The following CRACD variants were observed in gnomAD, a reference collection of about 807,000 sequenced individuals.
CRACD encodes capping protein inhibiting regulator of actin dynamics, also known as capping protein-inhibiting regulator of actin dynamics.
Under a neutral mutation model 106.8 loss-of-function variants are expected in CRACD, and 56 were observed. That is an observed-to-expected ratio of 0.52 (90% CI 0.42 to 0.66). The LOEUF (loss-of-function observed/expected upper bound fraction) is 0.66. Among genes scored for constraint, CRACD ranks in the 30% least tolerant of loss-of-function variants. CRACD has a pLI of 0.00. For missense variants in CRACD, 1,730 were observed against 1,623.2 expected, an observed-to-expected ratio of 1.07 and a Z score of -1.13; for synonymous variants, 754 against 670.8, an observed-to-expected ratio of 1.12 and a Z score of -1.92.
At chr4:56,277,860 T>G (rs1014447087) in intron 3 of CRACD, among the ~76,000 whole-genome samples, 1 of 152,172 alleles carries the variant, frequency 6.6e-6, no homozygotes, top group African/African-American at 2.4e-5. Flanking sequence ...TTCTGTACTC[T>G]AGCAATTTAT....
intron 2 of CRACD, among the ~76,000 whole-genome samples, chr4:56,191,528 C>T (rs1174277517): frequency 3.9e-5 from 6 of 152,162 alleles, no homozygotes; most frequent in Non-Finnish European, 7.4e-5. Context: ...ATACTGGGCC[C>T]ATCCAGATAA....
chr4:56,114,024 A>T (rs1278582538), intron 1 of CRACD, among the ~76,000 whole-genome samples: 3 of 151,956 alleles, frequency 2.0e-5, no homozygotes, highest in Admixed American at 2.0e-4. Flanking sequence ...ATTAATTTGG[A>T]GTATGTTCAT....
intron 2 of CRACD, among the ~76,000 whole-genome samples, chr4:56,230,501 A>G (rs1739557334): frequency 6.6e-6 from 1 of 152,206 alleles, no homozygotes; most frequent in Non-Finnish European, 1.5e-5. Context: ...GTTAGAAAAG[A>G]TGAAATTGAG....
chr4:56,274,614 T>C (rs893058519), intron 3 of CRACD, among the ~76,000 whole-genome samples: 3 of 152,262 alleles, frequency 2.0e-5, no homozygotes, highest in African/African-American at 7.2e-5. Flanking sequence ...TAATGTCACC[T>C]GTCCTCGTTA....
intron 1 of CRACD, among the ~76,000 whole-genome samples, chr4:56,076,727 G>C (rs1264824367): frequency 1.3e-5 from 2 of 152,130 alleles, no homozygotes; most frequent in Non-Finnish European, 2.9e-5. Context: ...CCTCCAGTGT[G>C]CTTTCTTAGT....
chr4:56,113,929 TA>T (rs1274624172), intron 1 of CRACD, among the ~76,000 whole-genome samples: 1 of 152,128 alleles, frequency 6.6e-6, no homozygotes, highest in African/African-American at 2.4e-5. Flanking sequence ...CCTCCACAGT[TA>T]ATCTCAGAAA....
intron 1 of CRACD, among the ~76,000 whole-genome samples, chr4:56,123,036 A>C (rs1311024928): frequency 1.3e-5 from 2 of 152,270 alleles, no homozygotes; most frequent in Non-Finnish European, 2.9e-5. Context: ...CTGGAATGGC[A>C]TTAAAATGTT....
chr4:56,328,635 G>A lies in CRACD; in HGVS notation c.*831G>A, dbSNP rs114442999. The A allele has an allele frequency of 9.4e-3, 2,637 of 281,240 alleles. 18 individuals carry two copies. The highest frequency in any genetic ancestry group is 0.013 in the Non-Finnish European group (1,919 of 143,100). 17.4% of individuals were successfully genotyped at this position (281,240 alleles called of 1,614,324 possible). ...CTTATGATGTGTAGGCTCCCTCCTAGGGCCTACTCAATCAGAGCCTGTGGG... is the reference window on the plus strand; with the variant it reads ...CTTATGATGTGTAGGCTCCCTCCTAAGGCCTACTCAATCAGAGCCTGTGGG... On this transcript the variant is annotated 3_prime_UTR_variant, in exon 11 of 11. Transcript: ENST00000682029.
At chr4:56,111,878 T>C (rs905322246) in intron 1 of CRACD, among the ~76,000 whole-genome samples, 3 of 152,180 alleles carry the variant, frequency 2.0e-5, no homozygotes, top group African/African-American at 7.2e-5. Flanking sequence ...TCTTACATGG[T>C]AACCCTAAGA....
At chr4:56,071,139 A>G (rs1472883230) in intron 1 of CRACD, among the ~76,000 whole-genome samples, 1 of 152,148 alleles carries the variant, frequency 6.6e-6, no homozygotes, top group Admixed American at 6.5e-5. Context: ...TGTACTGACA[A>G]CTTCTGAGAA....
chr4:56,233,229 T>C (rs1739750219), intron 2 of CRACD, among the ~76,000 whole-genome samples: 1 of 152,194 alleles, frequency 6.6e-6, no homozygotes, highest in Non-Finnish European at 1.5e-5. Context: ...CTATAACTTA[T>C]AATTTCAGTC....
At chr4:56,155,289 A>C (rs551598165) in intron 1 of CRACD, among the ~76,000 whole-genome samples, 32 of 152,280 alleles carry the variant, frequency 2.1e-4, no homozygotes, top group African/African-American at 7.0e-4. Context: ...CTGCTTTGAC[A>C]TTGCGTATTT....
intron 1 of CRACD, among the ~76,000 whole-genome samples, chr4:56,077,265 G>A (rs114379752): frequency 0.016 from 2,459 of 152,272 alleles, 78 homozygotes; most frequent in African/African-American, 0.056. Flanking sequence ...CAGGGGAAGT[G>A]CCAGATGCTT....
In CRACD at chr4:56,172,619, C is replaced by T. The variant is rs376465669; in HGVS notation, c.-335-6665C>T. ...CTGGGATTACAGGCATGTGCCACCA[C>T]GCCCAGCTAATTTTTTTTTTTTTGA... On this transcript the variant is annotated intron_variant, in intron 1 of 10. Coordinates refer to ENST00000682029, the MANE Select transcript of CRACD (RefSeq NM_001393381.1). Among the ~76,000 whole-genome samples, 434 of 151,710 alleles carry T rather than the reference C, an allele frequency of 2.9e-3. 2 individuals carry two copies. The highest frequency in any genetic ancestry group is 9.4e-3 in the African/African-American group (389 of 41,364).
chr4:56,212,645 G>A (rs1302431902), intron 2 of CRACD, among the ~76,000 whole-genome samples: 1 of 152,022 alleles, frequency 6.6e-6, no homozygotes, highest in Admixed American at 6.6e-5. Flanking sequence ...TTGAATCTTG[G>A]CTTGGGCTCT....
intron 2 of CRACD, among the ~76,000 whole-genome samples, chr4:56,232,836 T>A (rs184225748): frequency 8.5e-5 from 13 of 152,108 alleles, no homozygotes; most frequent in Admixed American, 6.5e-4. Flanking sequence ...GAGATTCTCC[T>A]GCCTCAGCCT....
chr4:56,230,788 A>G (rs189236618), intron 2 of CRACD, among the ~76,000 whole-genome samples: 64 of 152,242 alleles, frequency 4.2e-4, no homozygotes, highest in African/African-American at 1.5e-3. Flanking sequence ...AATGGGTTCC[A>G]GCATTTCTTT....
chr4:56,328,501 G>T lies in CRACD; in HGVS notation c.*697G>T, dbSNP rs554100801. On this transcript the variant is annotated 3_prime_UTR_variant, in exon 11 of 11. Transcript: ENST00000682029. ...AAGGACATGTGAAGCATTTGGCCCA[G>T]TTGGCTCCCAGGGAACATTTTAATT... 2 of 456,366 alleles carry T rather than the reference G, an allele frequency of 4.4e-6. No individual in the cohort carries two copies. Among genetic ancestry groups the T allele is most frequent in the Admixed American group, 2.4e-5 (1 of 40,930 alleles). 28.3% of individuals were successfully genotyped at this position (456,366 alleles called of 1,614,324 possible).
At chr4:56,270,222 C>CT (rs34169072) in intron 2 of CRACD, among the ~76,000 whole-genome samples, 1,514 of 147,842 alleles carry the variant, frequency 0.01, 47 homozygotes, top group Admixed American at 0.061. Context: ...TTTTCTTTTT[C>CT]TTTTTTTTTT....
Sources: gnomAD v4.1 joint callset for allele counts (sites outside exome capture counted in the v4.1 genomes callset) on GRCh38, gnomAD v4.1.1 for gene constraint, MANE v1.5 for transcripts, NCBI Gene and HGNC (gene_info 2026-07-23, HGNC 2026-07-21) for gene names.